The following CCSER1 variants were observed in gnomAD, a reference collection of about 807,000 sequenced individuals.
The protein encoded by CCSER1 is coiled-coil serine rich protein 1, also known as serine-rich coiled-coil domain-containing protein 1.
A neutral mutation model predicts 82.0 loss-of-function variants in CCSER1; 41 were observed. The ratio of observed to expected loss-of-function variants is 0.50; its 90% confidence interval spans 0.39 to 0.65. The LOEUF (loss-of-function observed/expected upper bound fraction) is 0.65. Among genes scored for constraint, CCSER1 ranks in the 30% least tolerant of loss-of-function variants. CCSER1 has a pLI of 0.00. For missense variants in CCSER1, 1,119 were observed against 1,064.2 expected (o/e 1.05, Z -0.72); for synonymous variants, 414 against 383.9 (o/e 1.08, Z -0.92).
At chr4:91,445,390 C>CTT (rs5860235) in intron 10 of CCSER1, among the ~76,000 whole-genome samples, 1 of 141,904 alleles carries the variant, frequency 7.0e-6, no homozygotes, top group African/African-American at 2.6e-5. Context: ...ATAGTAATTC[C>CTT]TTTTTTTTTT....
chr4:91,016,400 T>A (rs1306834602), intron 9 of CCSER1, among the ~76,000 whole-genome samples: 1 of 151,988 alleles, frequency 6.6e-6, no homozygotes, highest in Non-Finnish European at 1.5e-5. Flanking sequence ...TCCTTGCACA[T>A]TTTAAATATG....
chr4:91,090,236 A>T (rs746321880), intron 10 of CCSER1, among the ~76,000 whole-genome samples: 1 of 152,184 alleles, frequency 6.6e-6, no homozygotes, highest in Non-Finnish European at 1.5e-5. Context: ...TTTTATGGGC[A>T]GTAGGAAGAA....
At chr4:90,970,363 T>C (rs1581231976) in intron 9 of CCSER1, among the ~76,000 whole-genome samples, 1 of 151,836 alleles carries the variant, frequency 6.6e-6, no homozygotes, top group African/African-American at 2.4e-5. Context: ...ACCAAGAATG[T>C]CATTATATAA....
intron 10 of CCSER1, among the ~76,000 whole-genome samples, chr4:91,437,378 T>C (rs1332364932): frequency 1.3e-5 from 2 of 152,134 alleles, no homozygotes; most frequent in East Asian, 1.9e-4. Context: ...AAGAAAAATA[T>C]TGAGGCGCTA....
rs538791700 is a variant in CCSER1 at position 90,407,664 on chromosome 4, A to T, written c.1603+7535A>T. 3.3e-5 allele frequency among the ~76,000 whole-genome samples: 5 copies of T among 152,290 alleles called. No individual in the cohort carries two copies. In the South Asian group the frequency reaches 1.0e-3, roughly 32 times the overall value. On this transcript the variant is annotated intron_variant, in intron 4 of 10. Transcript: ENST00000509176. ...AAGATGATCCAGAGGTGGAGCCAAG[A>T]TGGCCGAATAGGAACAGCTGCAGTC... is the stretch of plus-strand genomic sequence containing the variant.
intron 9 of CCSER1, among the ~76,000 whole-genome samples, chr4:91,005,341 T>C (rs1400311693): frequency 1.3e-5 from 2 of 152,078 alleles, no homozygotes; most frequent in Non-Finnish European, 2.9e-5. Flanking sequence ...TTACAAAGCA[T>C]ATTTAGACCA....
chr4:90,567,964 T>C (rs1030206676), intron 5 of CCSER1, among the ~76,000 whole-genome samples: 5 of 152,220 alleles, frequency 3.3e-5, no homozygotes, highest in African/African-American at 1.2e-4. Flanking sequence ...TGGTTGTTCA[T>C]GAGCATGTTG....
At position 91,173,320 on chromosome 4, in the gene CCSER1, C is replaced by T. The variant is rs374634096; in HGVS notation, c.2217+87326C>T. Among the ~76,000 whole-genome samples the T allele has an allele frequency of 3.1e-3, 466 of 152,172 alleles. 1 individual carries two copies. Among genetic ancestry groups the T allele is most frequent in the African/African-American group, 0.011 (436 of 41,506 alleles). The stretch of plus-strand genomic sequence containing the variant: ...AAGAAAAGTCATAAGAGGGGCCAGG[C>T]GCAGTGGTTCACACCGGTAATCCCA... On this transcript the variant is annotated intron_variant, in intron 10 of 10. Coordinates refer to ENST00000509176, the MANE Select transcript of CCSER1 (RefSeq NM_001145065.2).
intron 1 of CCSER1, among the ~76,000 whole-genome samples, chr4:90,214,118 G>C (rs1002200646): frequency 2.0e-5 from 3 of 152,146 alleles, no homozygotes; most frequent in Admixed American, 6.6e-5. Context: ...TCTGGAATGA[G>C]GCGATTAATT....
At chr4:90,655,674 A>G (rs542883179) in intron 6 of CCSER1, among the ~76,000 whole-genome samples, 4 of 152,008 alleles carry the variant, frequency 2.6e-5, no homozygotes, top group Admixed American at 2.0e-4. Flanking sequence ...CACATGTCCT[A>G]GTTTGGGTAG....
At chr4:91,324,438 T>C (rs1231139541) in intron 10 of CCSER1, among the ~76,000 whole-genome samples, 2 of 152,136 alleles carry the variant, frequency 1.3e-5, no homozygotes, top group Non-Finnish European at 2.9e-5. Flanking sequence ...GAGCAAAATG[T>C]TGGTGACAAG....
chr4:91,161,699 CTGTT>C lies in CCSER1; in HGVS notation c.2217+75709_2217+75712del, dbSNP rs372526309. Among the ~76,000 whole-genome samples the C allele has an allele frequency of 9.3e-3, 1,414 of 152,178 alleles. 9 individuals are homozygous for C. The highest frequency in any genetic ancestry group is 0.022 in the African/African-American group (925 of 41,516). On this transcript the variant is annotated intron_variant, in intron 10 of 10. Transcript: ENST00000509176. ...GGGAGTTCACTCATGATTTGGCTCTCTGTTTGTCTGTTATTGGTGTGTAGGAATG... is the reference window on the plus strand; with the variant it reads ...GGGAGTTCACTCATGATTTGGCTCTCTGTCTGTTATTGGTGTGTAGGAATG...
chr4:91,491,374 G>T (rs1758532957), intron 10 of CCSER1, among the ~76,000 whole-genome samples: 1 of 151,936 alleles, frequency 6.6e-6, no homozygotes, highest in Non-Finnish European at 1.5e-5. Flanking sequence ...AATTAAATGA[G>T]AAAATGAACA....
intron 1 of CCSER1, among the ~76,000 whole-genome samples, chr4:90,200,095 T>C (rs374276569): frequency 5.3e-4 from 58 of 109,912 alleles, no homozygotes; most frequent in African/African-American, 2.2e-3. Context: ...CACACACACT[T>C]TTTTTTCTGA....
intron 10 of CCSER1, among the ~76,000 whole-genome samples, chr4:91,418,303 T>TAAAAAAAAAAAAAAAAAAAAA: frequency 8.8e-6 from 1 of 113,638 alleles, no homozygotes; most frequent in Non-Finnish European, 1.7e-5. Flanking sequence ...ATTTTTTAAT[T>TAAAAAAAAAAAAAAAAAAAAA]AAAAAAAAAA....
At chr4:91,273,928 T>G (rs1742227611) in intron 10 of CCSER1, among the ~76,000 whole-genome samples, 1 of 152,158 alleles carries the variant, frequency 6.6e-6, no homozygotes, top group African/African-American at 2.4e-5. Context: ...TTAAAAGCAA[T>G]AATTAGGCTT....
chr4:91,595,098 C>T (rs1309426067), intron 10 of CCSER1, among the ~76,000 whole-genome samples: 1 of 151,910 alleles, frequency 6.6e-6, no homozygotes, highest in Non-Finnish European at 1.5e-5. Flanking sequence ...TACTATAGCC[C>T]TTCCCAGGGC....
At chr4:91,463,571 G>A (rs751308101) in intron 10 of CCSER1, among the ~76,000 whole-genome samples, 7 of 152,208 alleles carry the variant, frequency 4.6e-5, no homozygotes, top group Non-Finnish European at 5.9e-5. Context: ...AAAGGAGGAA[G>A]TTCGAACCCA....
intron 10 of CCSER1, among the ~76,000 whole-genome samples, chr4:91,222,483 C>T (rs1737834483): frequency 6.6e-6 from 1 of 152,148 alleles, no homozygotes; most frequent in Admixed American, 6.6e-5. Flanking sequence ...ATTCCTCATA[C>T]TATACCTTTT....
Sources: allele counts gnomAD v4.1 joint callset (sites outside exome capture counted in the v4.1 genomes callset), GRCh38; gene constraint gnomAD v4.1.1; transcripts MANE v1.5; gene names NCBI Gene and HGNC (gene_info 2026-07-23, HGNC 2026-07-21).